TTLL5: variants seen among roughly 807,000 people sequenced by gnomAD.
TTLL5 encodes the protein tubulin polyglutamylase TTLL5.
A neutral mutation model predicts 168.4 loss-of-function variants in TTLL5; 132 were observed. The ratio of observed to expected loss-of-function variants is 0.78; its 90% CI spans 0.68 to 0.91. TTLL5 has a LOEUF of 0.91. TTLL5 is among the 40% of genes least tolerant of loss of function. The probability of loss-of-function intolerance (pLI) is 0.00; values close to 1 mark genes in which losing one functional copy is unlikely to be tolerated. For missense variants in TTLL5, 1,545 were observed against 1,581.5 expected (o/e 0.98, Z 0.39); for synonymous variants, 546 against 558.6 (o/e 0.98, Z 0.32).
At chr14:75,932,144 C>G (rs748390346) in intron 31 of TTLL5, among the ~76,000 whole-genome samples, 43 of 152,170 alleles carry the variant, frequency 2.8e-4, no homozygotes, top group Non-Finnish European at 5.0e-4. Flanking sequence ...GGTATTTTAA[C>G]AACTACTTCT....
rs530225648 is a variant in TTLL5, at chr14:75,924,698, C to T, written c.3823+22474C>T. Among the ~76,000 whole-genome samples, 123 of 152,146 alleles carry T rather than the reference C, an allele frequency of 8.1e-4. 2 individuals carry two copies. Among genetic ancestry groups the T allele is most frequent in the African/African-American group, 2.9e-3 (121 of 41,388 alleles). ...ATGACTACTTCCCTCTACACAGACA[C>T]GGCAACCATCCGACCTCTCAATCTT... is the stretch of plus-strand genomic sequence containing the variant. On this transcript the variant is annotated intron_variant, in intron 31 of 31. Coordinates refer to ENST00000298832, the MANE Select transcript of TTLL5 (RefSeq NM_015072.5).
intron 27 of TTLL5, among the ~76,000 whole-genome samples, chr14:75,794,183 A>G (rs1379370163): frequency 2.6e-5 from 4 of 152,194 alleles, no homozygotes; most frequent in African/African-American, 9.7e-5. Flanking sequence ...CCTAATGTGA[A>G]ATAGGAAGCA....
At chr14:75,918,733 C>G (rs1254430803) in intron 31 of TTLL5, among the ~76,000 whole-genome samples, 4 of 152,094 alleles carry the variant, frequency 2.6e-5, no homozygotes, top group African/African-American at 9.7e-5. Context: ...ATTTGATTAT[C>G]CTTCAGCTGA....
chr14:75,888,949 A>G (rs899360100), intron 30 of TTLL5, among the ~76,000 whole-genome samples: 1 of 151,064 alleles, frequency 6.6e-6, no homozygotes, highest in Non-Finnish European at 1.5e-5. Context: ...AAAAAAAAAG[A>G]AGGCTTCATG....
chr14:75,894,644 G>A (rs1459108016), intron 30 of TTLL5, among the ~76,000 whole-genome samples: 6 of 152,104 alleles, frequency 3.9e-5, no homozygotes, highest in Non-Finnish European at 8.8e-5. Context: ...CAAAATAAAT[G>A]TTGACAAATT....
intron 27 of TTLL5, among the ~76,000 whole-genome samples, chr14:75,805,672 T>C (rs1038089780): frequency 4.6e-5 from 7 of 152,208 alleles, no homozygotes; most frequent in Admixed American, 2.6e-4. Flanking sequence ...ACTTGATGTA[T>C]TTTGAACATA....
chr14:75,672,693 C>G (rs1035564150), intron 3 of TTLL5, among the ~76,000 whole-genome samples: 1 of 152,068 alleles, frequency 6.6e-6, no homozygotes, highest in African/African-American at 2.4e-5. Context: ...TGCTGTAGGT[C>G]TATTCATATT....
At chr14:75,796,344 G>C (rs1335728272) in intron 27 of TTLL5, among the ~76,000 whole-genome samples, 3 of 152,180 alleles carry the variant, frequency 2.0e-5, no homozygotes, top group Non-Finnish European at 2.9e-5. Context: ...TGGATGCATA[G>C]TTTGTGAAGA....
intron 7 of TTLL5, among the ~76,000 whole-genome samples, chr14:75,705,095 T>C (rs1264768076): frequency 6.6e-6 from 1 of 152,252 alleles, no homozygotes; most frequent in African/African-American, 2.4e-5. Context: ...TCAATTCTCA[T>C]TGAGCAGATT....
chr14:75,952,965 A>G (rs1385947225), intron 31 of TTLL5, among the ~76,000 whole-genome samples: 3 of 152,242 alleles, frequency 2.0e-5, no homozygotes, highest in African/African-American at 2.4e-5. Flanking sequence ...TCTGAATATA[A>G]TATACTAAAA....
chr14:75,698,420 T>A (rs1005264923), intron 6 of TTLL5, among the ~76,000 whole-genome samples: 1 of 152,214 alleles, frequency 6.6e-6, no homozygotes, highest in African/African-American at 2.4e-5. Flanking sequence ...AATTTTTTTT[T>A]ATAAGCTCGA....
chr14:75,886,494 C>T (rs537069771), intron 30 of TTLL5, among the ~76,000 whole-genome samples: 5 of 152,302 alleles, frequency 3.3e-5, no homozygotes, highest in South Asian at 4.1e-4. Flanking sequence ...AATCCTGATG[C>T]TTTCAAGCCA....
intron 26 of TTLL5, among the ~76,000 whole-genome samples, chr14:75,791,131 T>G (rs926996418): frequency 1.9e-4 from 23 of 120,166 alleles, no homozygotes; most frequent in African/African-American, 8.8e-4. Flanking sequence ...AAAATACCAC[T>G]TTGGTATTAC....
chr14:75,751,646 CTG>C, intron 17 of TTLL5, among the ~76,000 whole-genome samples: 1 of 152,094 alleles, frequency 6.6e-6, no homozygotes, highest in East Asian at 1.9e-4. Flanking sequence ...CTGTGGGTAA[CTG>C]AAACATGAGG....
At chr14:75,847,547 A>G (rs1457483593) in intron 28 of TTLL5, 1 of 152,066 alleles carries the variant, frequency 6.6e-6, no homozygotes, top group Non-Finnish European at 1.5e-5. Flanking sequence ...TATGTATACA[A>G]CTGTTCTGAA....
intron 31 of TTLL5, among the ~76,000 whole-genome samples, chr14:75,919,072 G>A (rs1392116068): frequency 4.6e-5 from 7 of 151,400 alleles, no homozygotes; most frequent in Admixed American, 3.9e-4. Flanking sequence ...ATGGTGGCAC[G>A]TGCCTGTAAT....
At chr14:75,869,188 C>T (rs955576228) in intron 29 of TTLL5, among the ~76,000 whole-genome samples, 2 of 152,028 alleles carry the variant, frequency 1.3e-5, no homozygotes, top group African/African-American at 4.8e-5. Context: ...GGAACTCATA[C>T]TTAGTGTCTA....
chr14:75,714,496 A>AT (rs917294209), intron 9 of TTLL5, among the ~76,000 whole-genome samples: 3 of 151,950 alleles, frequency 2.0e-5, no homozygotes, highest in Non-Finnish European at 2.9e-5. Flanking sequence ...ATTTCTTGGC[A>AT]TTTTTCTGTG....
At chr14:75,799,356 A>T (rs1416927622) in intron 27 of TTLL5, among the ~76,000 whole-genome samples, 2 of 152,128 alleles carry the variant, frequency 1.3e-5, no homozygotes, top group East Asian at 1.9e-4. Context: ...CCTTAAGTTT[A>T]TGTGAGTTTA....
Sources: allele counts gnomAD v4.1 joint callset (sites outside exome capture counted in the v4.1 genomes callset), GRCh38; gene constraint gnomAD v4.1.1; transcripts MANE v1.5; gene names NCBI Gene and HGNC (gene_info 2026-07-23, HGNC 2026-07-21).